Variants in ARHGEF37 observed in about 807,000 individuals in gnomAD.
The protein encoded by ARHGEF37 is Rho guanine nucleotide exchange factor (GEF) 37.
Under a neutral mutation model 71.1 loss-of-function variants are expected in ARHGEF37, and 55 were observed. The observed-to-expected ratio is 0.77, with a 90% CI of 0.62 to 0.97. The LOEUF (loss-of-function observed/expected upper bound fraction) is 0.97, where lower values mean the gene tolerates loss of function less well. Among genes scored for constraint, ARHGEF37 ranks in the 50% least tolerant of loss-of-function variants. ARHGEF37 has a pLI of 0.00. For synonymous variants in ARHGEF37, 327 were observed against 350.6 expected, an observed-to-expected ratio of 0.93 and a Z score of 0.75; for missense variants, 765 against 836.8, an observed-to-expected ratio of 0.91 and a Z score of 1.06.
At chr5:149,581,250 G>A (rs1763098748), upstream of ARHGEF37, among the ~76,000 whole-genome samples, 3 of 152,372 alleles carry the variant, frequency 2.0e-5, no homozygotes, top group Admixed American at 2.0e-4. Context: ...CCGCGGAGAA[G>A]GTGGCTTAAT....
In ARHGEF37 at chr5:149,632,293, G is replaced by A; in HGVS notation, c.*102G>A. The A allele has an allele frequency of 7.4e-7, 1 of 1,354,640 alleles. No individual in the cohort carries two copies. Among genetic ancestry groups the A allele is most frequent in the East Asian group, 2.5e-5 (1 of 40,646 alleles). 83.9% of individuals were successfully genotyped at this position (1,354,640 alleles called of 1,614,324 possible). On this transcript the variant is annotated 3_prime_UTR_variant, in exon 13 of 13. Transcript: ENST00000333677. The stretch of plus-strand genomic sequence containing the variant: ...AAGGAAAGGTGGAGGTGGAAGGGAA[G>A]ACCAGGCCAGGGTGGGTGAAGCACA...
At chr5:149,605,339 T>C (rs1287410020) in intron 3 of ARHGEF37, among the ~76,000 whole-genome samples, 1 of 152,244 alleles carries the variant, frequency 6.6e-6, no homozygotes, top group Non-Finnish European at 1.5e-5. Context: ...TTAATTTTAA[T>C]GATATCTTTT....
intron 1 of ARHGEF37, among the ~76,000 whole-genome samples, chr5:149,588,143 C>T (rs574418431): frequency 2.6e-5 from 4 of 152,102 alleles, no homozygotes; most frequent in East Asian, 3.9e-4. Context: ...GTGATCTGCC[C>T]GCCTTGGCCT....
chr5:149,603,843 C>T (rs768089583), intron 3 of ARHGEF37, among the ~76,000 whole-genome samples: 15 of 152,026 alleles, frequency 9.9e-5, no homozygotes, highest in Non-Finnish European at 1.9e-4. Context: ...GTCTGAGGCA[C>T]GAGAATCGCT....
chr5:149,626,156 T>G (rs1361130030), intron 10 of ARHGEF37, among the ~76,000 whole-genome samples: 1 of 151,864 alleles, frequency 6.6e-6, no homozygotes. Context: ...GCAGAGTCTG[T>G]GGCCAAATGT....
intron 1 of ARHGEF37, among the ~76,000 whole-genome samples, chr5:149,552,366 A>T (rs1762690671): frequency 6.6e-6 from 1 of 152,090 alleles, no homozygotes; most frequent in African/African-American, 2.4e-5. Context: ...TTTTACAAAA[A>T]ATCGATCAGA....
chr5:149,624,136 C>T lies in ARHGEF37; in HGVS notation c.1460C>T (p.Thr487Ile), dbSNP rs1158915440. 13 of 1,607,398 alleles carry T rather than the reference C, an allele frequency of 8.1e-6. No individual in the cohort carries two copies. Among genetic ancestry groups the T allele is most frequent in the East Asian group, 2.2e-5 (1 of 44,662 alleles). ...TFEKVQPPPT[T>I]QPLLPGSERQ... ...GAGAAAGTGCAGCCACCTCCCACCA[C>T]ACAAGTAAGCATCCTTCCTCCACCC... Residue 487 changes from threonine to isoleucine, a missense_variant, in exon 10 of 13, where the codon ACA becomes ATA. Around this residue, in one of 5 missense-constraint regions of ARHGEF37, gnomAD observed 390 missense variants for 407.4 expected, o/e 0.96. Coordinates refer to ENST00000333677, the MANE Select transcript of ARHGEF37 (RefSeq NM_001001669.3).
At chr5:149,602,204 G>T (rs1252568129) in intron 3 of ARHGEF37, among the ~76,000 whole-genome samples, 1 of 151,792 alleles carries the variant, frequency 6.6e-6, no homozygotes, top group Admixed American at 6.6e-5. Flanking sequence ...CTACAAGCGT[G>T]CGCCACCATG....
Position 149,619,051 on chromosome 5 carries a change from A to G in ARHGEF37, c.894+9A>G, listed in dbSNP as rs929923548. ...ACCTGGACAATCTGCAGGTGAGGAC[A>G]CTGCAGGGTTCATAAAGGGCGAGTC... On this transcript the variant is annotated intron_variant, in intron 7 of 12. Coordinates refer to ENST00000333677, the MANE Select transcript of ARHGEF37 (RefSeq NM_001001669.3). The G allele has an allele frequency of 2.5e-6, 4 of 1,604,792 alleles. No individual in the cohort carries two copies. Among genetic ancestry groups the G allele is most frequent in the African/African-American group, 1.3e-5 (1 of 74,698 alleles).
chr5:149,591,626 C>T (rs563575084), intron 1 of ARHGEF37, among the ~76,000 whole-genome samples: 3 of 152,238 alleles, frequency 2.0e-5, no homozygotes, highest in East Asian at 1.9e-4. Flanking sequence ...AGACAGTCGC[C>T]GACTTATGAT....
chr5:149,566,066 G>A (rs376642015), intron 1 of ARHGEF37, among the ~76,000 whole-genome samples: 11 of 150,864 alleles, frequency 7.3e-5, no homozygotes, highest in Admixed American at 4.0e-4. Context: ...GGCTCATCAC[G>A]AACTCCTGAC....
chr5:149,630,253 C>G (rs1561813091), intron 12 of ARHGEF37, among the ~76,000 whole-genome samples: 1 of 152,106 alleles, frequency 6.6e-6, no homozygotes, highest in Non-Finnish European at 1.5e-5. Flanking sequence ...GGGATGGAGT[C>G]CATGAGCGGG....
chr5:149,558,330 A>C (rs969404638), intron 1 of ARHGEF37, among the ~76,000 whole-genome samples: 1 of 152,066 alleles, frequency 6.6e-6, no homozygotes, highest in Admixed American at 6.6e-5. Context: ...ACATGGTGAA[A>C]TCCTGTCTCT....
At chr5:149,563,845 A>G (rs1762865630) in intron 1 of ARHGEF37, among the ~76,000 whole-genome samples, 1 of 152,146 alleles carries the variant, frequency 6.6e-6, no homozygotes, top group African/African-American at 2.4e-5. Flanking sequence ...AGATTATTCT[A>G]AAGGTTTTAG....
intron 1 of ARHGEF37, among the ~76,000 whole-genome samples, chr5:149,586,464 T>C (rs1361069430): frequency 6.6e-6 from 1 of 152,246 alleles, no homozygotes; most frequent in African/African-American, 2.4e-5. Flanking sequence ...GTTTTCACCA[T>C]GTTGGCCAGG....
intron 1 of ARHGEF37, among the ~76,000 whole-genome samples, chr5:149,574,394 G>A (rs574095156): frequency 6.6e-6 from 1 of 152,338 alleles, no homozygotes; most frequent in South Asian, 2.1e-4. Context: ...AGAAGCTGGA[G>A]GATATTGTCT....
intron 7 of ARHGEF37, among the ~76,000 whole-genome samples, chr5:149,620,152 A>G (rs1752496142): frequency 6.6e-6 from 1 of 152,184 alleles, no homozygotes; most frequent in African/African-American, 2.4e-5. Context: ...CACTGGAATG[A>G]GGAGAAAGAT....
At chr5:149,565,473 A>C (rs1332051829) in intron 1 of ARHGEF37, among the ~76,000 whole-genome samples, 1 of 152,228 alleles carries the variant, frequency 6.6e-6, no homozygotes, top group Non-Finnish European at 1.5e-5. Flanking sequence ...TTTCCAGATC[A>C]GTGCTACTAT....
chr5:149,576,028 C>T (rs955345470), intron 1 of ARHGEF37, among the ~76,000 whole-genome samples: 2 of 152,138 alleles, frequency 1.3e-5, no homozygotes, highest in African/African-American at 4.8e-5. Flanking sequence ...GGCAGATCAC[C>T]TGAAGTCAGG....
Sources: gnomAD v4.1 joint callset for allele counts (sites outside exome capture counted in the v4.1 genomes callset) on GRCh38, gnomAD v4.1.1 for gene constraint, gnomAD v4.1.1 regional missense constraint, MANE v1.5 for transcripts, NCBI Gene and HGNC (gene_info 2026-07-23, HGNC 2026-07-21) for gene names.